The following SERPINC1 variants were observed in gnomAD, a reference collection of about 807,000 sequenced individuals.
SERPINC1 encodes the protein antithrombin-III.
Under a neutral mutation model 43.4 loss-of-function variants are expected in SERPINC1, and 12 were observed. That is an observed-to-expected ratio of 0.28 (90% CI 0.18 to 0.45). The LOEUF (loss-of-function observed/expected upper bound fraction) is 0.45, where lower values mean the gene tolerates loss of function less well. SERPINC1 is among the 20% of genes least tolerant of loss of function. SERPINC1 has a pLI of 1.00. For synonymous variants in SERPINC1, 210 were observed against 218.9 expected, an observed-to-expected ratio of 0.96 and a Z score of 0.36; for missense variants, 423 against 578.8, an observed-to-expected ratio of 0.73 and a Z score of 2.76.
intron 1 of SERPINC1, chr1:173,915,300 A>G: frequency 2.1e-6 from 1 of 476,092 alleles, no homozygotes; most frequent in Non-Finnish European, 3.2e-6. Context: ...CCATCTACAG[A>G]AACTGTTTGG....
chr1:173,914,475 G>T (rs906827344), intron 2 of SERPINC1, 78 bp downstream of exon 2: 2 of 1,557,318 alleles, frequency 1.3e-6, no homozygotes, highest in Non-Finnish European at 1.8e-6. Context: ...GTTGGTTGAG[G>T]AATCATTGGA....
intron 2 of SERPINC1, among the ~76,000 whole-genome samples, chr1:173,914,114 C>T (rs1405950087): frequency 1.3e-5 from 2 of 151,676 alleles, no homozygotes; most frequent in African/African-American, 2.4e-5. Flanking sequence ...TTTTTTTCCA[C>T]GAGAGCCTAT....
chr1:173,910,031 A>T, intron 4 of SERPINC1, 89 bp from the exon 5 acceptor site: 2 of 1,300,326 alleles, frequency 1.5e-6, no homozygotes, highest in Non-Finnish European at 2.2e-6. Context: ...TGTTACATTA[A>T]TATATAATTA....
intron 2 of SERPINC1, 86 bp from the exon 3 acceptor site, chr1:173,912,100 C>G (rs923696662): frequency 1.1e-6 from 1 of 905,374 alleles, no homozygotes; most frequent in South Asian, 1.3e-5. Flanking sequence ...CAGTCTCTGA[C>G]TAATAGCCAC....
chr1:173,909,843 C>T lies in SERPINC1; in HGVS notation c.862G>A (p.Gly288Ser). Reference sequence around the variant, plus strand: ...GCCACGCGCCGATAACGGAACTTGCCTTCCTGGTACATCATAGATGCTGAA... The same window carrying T: ...GCCACGCGCCGATAACGGAACTTGCTTTCCTGGTACATCATAGATGCTGAA... ...SCSASMMYQEGKFRYRRVAEG... is the reference protein window; with the variant it reads ...SCSASMMYQESKFRYRRVAEG... The change falls in exon 5 of 7, where the codon GGC becomes AGC. Residue 288 changes from glycine (G) to serine (S), a missense_variant. Transcript: ENST00000367698. 6.2e-7 allele frequency: 1 copy of T among 1,614,052 alleles called. No individual in the cohort carries two copies.
rs576549681 is a variant in SERPINC1 at position 173,909,216 on chromosome 1, A to C, written c.1153+336T>G. ...CAGTGAGGCCTGTGTAATGGGAACC[A>C]CATTTCCCCAGCTCTTAATATCTGT... is the stretch of plus-strand genomic sequence containing the variant. On this transcript the variant is annotated intron_variant, in intron 5 of 6. Transcript: ENST00000367698. Among the ~76,000 whole-genome samples, 17 of 152,268 alleles carry C rather than the reference A, an allele frequency of 1.1e-4. No homozygotes were observed. The South Asian group carries it at 1.5e-3, about 13-fold the overall frequency.
At chr1:173,905,577 C>T (rs549780225) in intron 6 of SERPINC1, among the ~76,000 whole-genome samples, 38 of 151,986 alleles carry the variant, frequency 2.5e-4, no homozygotes, top group Non-Finnish European at 5.0e-4. Context: ...AAAATTTAGT[C>T]GGGCGTGGTG....
At chr1:173,916,930 C>A (rs1210732209) in intron 1 of SERPINC1, among the ~76,000 whole-genome samples, 1 of 152,102 alleles carries the variant, frequency 6.6e-6, no homozygotes, top group Non-Finnish European at 1.5e-5. Flanking sequence ...TTGGAGCGTC[C>A]CCTGGATCCC....
Position 173,904,085 on chromosome 1 carries a change from TAAAAC to T in SERPINC1, c.1219-25_1219-21del, listed in dbSNP as rs764338974. On this transcript the variant is annotated intron_variant, in intron 6 of 6. Coordinates refer to ENST00000367698, the MANE Select transcript of SERPINC1 (RefSeq NM_000488.4). ...ATTTACCTGCAGGTCACATGGGAAA[TAAAAC>T]TAAATTAGCCACTCTGCCGTTCATT... 30 of 1,612,902 alleles carry T rather than the reference TAAAAC, an allele frequency of 1.9e-5. No homozygotes were observed. Among genetic ancestry groups the T allele is most frequent in the Non-Finnish European group, 2.2e-5 (26 of 1,179,060 alleles).
chr1:173,915,873 C>A (rs574138367), intron 1 of SERPINC1, among the ~76,000 whole-genome samples: 1 of 152,286 alleles, frequency 6.6e-6, no homozygotes, highest in Admixed American at 6.5e-5. Context: ...AATTCTCCCC[C>A]ACAGGCCTGC....
chr1:173,913,997 G>A (rs1657881790), intron 2 of SERPINC1, among the ~76,000 whole-genome samples: 1 of 151,944 alleles, frequency 6.6e-6, no homozygotes, highest in South Asian at 2.1e-4. Context: ...AGAATTGCTT[G>A]AACCTGGGAG....
intron 4 of SERPINC1, among the ~76,000 whole-genome samples, chr1:173,910,396 G>A (rs1027789851): frequency 6.6e-5 from 10 of 152,002 alleles, no homozygotes; most frequent in African/African-American, 2.4e-4. Context: ...GGCTAACACG[G>A]TGAAACCCCG....
intron 1 of SERPINC1, 43 bp from the exon 2 acceptor site, chr1:173,914,962 C>T: frequency 6.3e-7 from 1 of 1,595,698 alleles, no homozygotes; most frequent in Non-Finnish European, 8.5e-7. Context: ...GCTGCAACCC[C>T]TAGCCCCACT....
At position 173,910,871 on chromosome 1, in the gene SERPINC1, T is replaced by C. The variant is rs863224366; in HGVS notation, c.645A>G (p.Arg215=). ...TGGACACCCATTTGTTGATGGCCGC[T>C]CTGGATTGCTCTGCATTTTCCTGAG... is the stretch of plus-strand genomic sequence containing the variant. ...LDFKENAEQS[R]AAINKWVSNK... The change falls in exon 4 of 7, where the codon AGA becomes AGG. Residue 215 remains arginine (R), a synonymous_variant. Coordinates refer to ENST00000367698, the MANE Select transcript of SERPINC1 (RefSeq NM_000488.4). 7 of 1,614,030 alleles carry C rather than the reference T, an allele frequency of 4.3e-6. No homozygotes were observed.
At chr1:173,911,663 G>C (rs1329440351) in intron 3 of SERPINC1, 136 bp downstream of exon 3, 3 of 733,506 alleles carry the variant, frequency 4.1e-6, no homozygotes, top group Non-Finnish European at 7.3e-6. Context: ...ACTATTGCAG[G>C]GGTTCTAACT....
intron 3 of SERPINC1, among the ~76,000 whole-genome samples, chr1:173,911,415 G>T (rs1308763828): frequency 1.3e-5 from 2 of 152,220 alleles, no homozygotes; most frequent in African/African-American, 4.8e-5. Flanking sequence ...AGGCCCATGT[G>T]CTTCATGAAT....
In SERPINC1 at chr1:173,914,805, C is replaced by G; in HGVS notation, c.156G>C (p.Met52Ile). ...AKPRDIPMNP[M>I]CIYRSPEKKA... is the part of the protein sequence containing the mutation. ...TCTTCTCCGGGGAGCGGTAAATGCA[C>G]ATGGGATTCATGGGAATGTCCCGCG... The change falls in exon 2 of 7, where the codon ATG (methionine) becomes ATC (isoleucine). Residue 52 changes from methionine (M) to isoleucine (I), a missense_variant. By Grantham distance (10) the Met-to-Ile change is conservative. Coordinates refer to ENST00000367698, the MANE Select transcript of SERPINC1 (RefSeq NM_000488.4). The G allele has an allele frequency of 6.2e-7, 1 of 1,614,140 alleles. No individual in the cohort carries two copies. The highest frequency in any genetic ancestry group is 1.7e-5 in the Admixed American group (1 of 60,026).
Position 173,909,712 on chromosome 1 carries a change from G to A in SERPINC1, c.993C>T (p.Leu331=). ...GCCACTCTTGCAGCACCTCTGGGGT[G>A]AGTTCCTTCTCTACCTTGGCCAGGC... The part of the protein sequence containing the change: ...EKSLAKVEKE[L]TPEVLQEWLD... The change falls in exon 5 of 7, where the codon CTC becomes CTT. Residue 331 remains leucine (L), a synonymous_variant. Coordinates refer to ENST00000367698, the MANE Select transcript of SERPINC1 (RefSeq NM_000488.4). The A allele has an allele frequency of 6.2e-7, 1 of 1,614,150 alleles. No homozygotes were observed. The highest frequency in any genetic ancestry group is 8.5e-7 in the Non-Finnish European group (1 of 1,180,000).
rs1189292255 is a variant in SERPINC1 at position 173,914,450 on chromosome 1, CT to C, written c.408+102del. The C allele has an allele frequency of 3.8e-6, 5 of 1,315,144 alleles. No homozygotes were observed. In the African/African-American group the frequency reaches 7.3e-5, roughly 19 times the overall value. The allele number at this position is 1,315,144 out of a possible 1,614,324, so 81.5% of individuals were successfully genotyped here. ...GAATCGTAATGCATAATGAGCGCCC[CT>C]AGTGGCCTGCAGTGTTGGTTGAGGA... On this transcript the variant is annotated intron_variant, in intron 2 of 6. Transcript: ENST00000367698.
Sources: gnomAD v4.1 joint callset for allele counts (sites outside exome capture counted in the v4.1 genomes callset) on GRCh38, gnomAD v4.1.1 for gene constraint, MANE v1.5 for transcripts, NCBI Gene and HGNC (gene_info 2026-07-23, HGNC 2026-07-21) for gene names.